Variants in RSRC2 observed in about 807,000 individuals in gnomAD.
RSRC2 encodes arginine and serine rich coiled-coil 2, also known as arginine/serine-rich coiled-coil protein 2.
In RSRC2, 5 loss-of-function variants were observed where a neutral mutation model predicts 61.3. The ratio of observed to expected loss-of-function variants is 0.08; its 90% CI spans 0.04 to 0.17. The LOEUF is 0.17. Ranked by LOEUF, RSRC2 falls within the 10% of genes least tolerant of loss-of-function variation. RSRC2 has a pLI of 1.00. For missense variants in RSRC2, 381 were observed against 518.8 expected, an observed-to-expected ratio of 0.73 and a Z score of 2.58; for synonymous variants, 202 against 166.5, an observed-to-expected ratio of 1.21 and a Z score of -1.64.
intron 3 of RSRC2, chr12:122,519,457 C>G (rs1959162930): frequency 6.2e-6 from 1 of 161,056 alleles, no homozygotes; most frequent in Non-Finnish European, 1.4e-5. Flanking sequence ...AATTAGGTAG[C>G]TAAATATAAT....
chr12:122,522,561 A>C, intron 1 of RSRC2: 10 of 234,594 alleles, frequency 4.3e-5, no homozygotes, highest in Non-Finnish European at 5.0e-5. Flanking sequence ...CTTTTAAAAC[A>C]TGGGGTGGGG....
In RSRC2 at chr12:122,526,904, A is replaced by G. The variant is rs764931238; in HGVS notation, c.-51T>C. The G allele has an allele frequency of 6.2e-6, 10 of 1,611,166 alleles. No individual in the cohort carries two copies. The South Asian group carries it at 9.9e-5, about 16-fold the overall frequency. Reference sequence around the variant, plus strand: ...GGCGCCTCCACTTGTCGCTTTCAACAGTACCGGCCGCTCCGAAGCTTCGCC... The same window carrying G: ...GGCGCCTCCACTTGTCGCTTTCAACGGTACCGGCCGCTCCGAAGCTTCGCC... On this transcript the variant is annotated 5_prime_UTR_variant, in exon 1 of 10. Coordinates refer to ENST00000331738, the MANE Select transcript of RSRC2 (RefSeq NM_023012.6).
intron 1 of RSRC2, among the ~76,000 whole-genome samples, chr12:122,526,595 G>C (rs1454630378): frequency 6.6e-6 from 1 of 152,126 alleles, no homozygotes; most frequent in Admixed American, 6.5e-5. Context: ...GAGGCGAAAG[G>C]AACGTAGGGT....
chr12:122,519,759 C>T (rs7134381), intron 3 of RSRC2: 92,428 of 152,142 alleles, frequency 0.61, 28,944 homozygotes, highest in African/African-American at 0.75. Flanking sequence ...ACTGCCCCCA[C>T]ACTTTAAAAA....
In RSRC2 at chr12:122,507,048, A is replaced by G; in HGVS notation, c.1036-125T>C. ...GATAGCATTCAATCAATGTAAGTTT[A>G]ATTATTTCAAGACTTAAGAAACCAC... is the stretch of plus-strand genomic sequence containing the variant. On this transcript the variant is annotated intron_variant, in intron 8 of 9. Transcript: ENST00000331738. The G allele has an allele frequency of 4.4e-6, 3 of 682,168 alleles. No homozygotes were observed. The East Asian group carries it at 8.2e-5, about 19-fold the overall frequency. The allele number at this position is 682,168 out of a possible 1,614,324, so 42.3% of individuals were successfully genotyped here.
rs1178336567 is a variant in RSRC2 at position 122,525,815 on chromosome 12, T to TCAAA, written c.6+1032_6+1033insTTTG. Among the ~76,000 whole-genome samples the TCAAA allele has an allele frequency of 7.6e-4, 5 of 6,548 alleles. No homozygotes were observed. The South Asian group carries it at 0.02, about 26-fold the overall frequency. 4.3% of individuals were successfully genotyped at this position (6,548 alleles called of 152,430 possible). On this transcript the variant is annotated intron_variant, in intron 1 of 9. Transcript: ENST00000331738. ...GTCAACGAAGAGTTTTTTTTTTTTT[T>TCAAA]TTTTTTTTTTTTTTTTTTTTTTTTG...
chr12:122,513,944 A>C (rs1396206385), intron 6 of RSRC2: 14 of 256,230 alleles, frequency 5.5e-5, no homozygotes, highest in Non-Finnish European at 7.3e-5. Flanking sequence ...AGGTGGGAGG[A>C]TTGCTTGGGC....
intron 1 of RSRC2, chr12:122,526,357 A>G (rs1326193612): frequency 6.3e-6 from 1 of 159,490 alleles, no homozygotes; most frequent in Non-Finnish European, 1.4e-5. Flanking sequence ...TTATGCAACT[A>G]GAAGCATCTC....
intron 1 of RSRC2, 88 bp from the exon 2 acceptor site, chr12:122,522,387 T>C (rs1414827784): frequency 1.6e-6 from 2 of 1,230,808 alleles, no homozygotes; most frequent in South Asian, 1.6e-5. Context: ...GGAGGGAAGA[T>C]AGCCCCCCAC....
rs752871340 is a variant in RSRC2, at chr12:122,521,390, T to C, written c.202A>G (p.Lys68Glu). The C allele has an allele frequency of 2.5e-6, 4 of 1,611,484 alleles. No individual in the cohort carries two copies. The change falls in exon 3 of 10, where the codon AAA becomes GAA. Residue 68 changes from lysine to glutamate, a missense_variant. Lys to Glu is a moderately conservative substitution (Grantham distance 56, BLOSUM62 1). Transcript: ENST00000331738. ...GRKHRSRSRS[K>E]EGRRHESKDK... Reference sequence around the variant, plus strand: ...CACTACAAAGTGTTAATTACCTCTTTGCTTCTGCTCCGGCTCCTGTGTTTT... The same window carrying C: ...CACTACAAAGTGTTAATTACCTCTTCGCTTCTGCTCCGGCTCCTGTGTTTT...
At chr12:122,526,476 GTCTT>G (rs1565914083) in intron 1 of RSRC2, among the ~76,000 whole-genome samples, 1 of 151,912 alleles carries the variant, frequency 6.6e-6, no homozygotes, top group Non-Finnish European at 1.5e-5. Flanking sequence ...ACTCCTGATC[GTCTT>G]TCTCTTCCCC....
At chr12:122,508,087 G>A (rs1351065771) in intron 8 of RSRC2, 131 bp downstream of exon 8, 2 of 798,048 alleles carry the variant, frequency 2.5e-6, no homozygotes, top group South Asian at 2.9e-5. Context: ...AAAGGCATAA[G>A]CCACCCGCGT....
chr12:122,519,395 TTAAG>T (rs982395770), intron 3 of RSRC2: 10 of 68,862 alleles, frequency 1.5e-4, no homozygotes, highest in South Asian at 4.0e-4. Context: ...AATGTTAAGT[TTAAG>T]TAAGTAATGG....
At chr12:122,524,304 C>A (rs747674682) in intron 1 of RSRC2, among the ~76,000 whole-genome samples, 4 of 151,916 alleles carry the variant, frequency 2.6e-5, no homozygotes, top group South Asian at 2.1e-4. Flanking sequence ...TTATTACTTG[C>A]TGAGTGTTTG....
At chr12:122,519,064 T>C (rs1440005392) in intron 3 of RSRC2, 35 bp from the exon 4 acceptor site, 4 of 1,582,114 alleles carry the variant, frequency 2.5e-6, no homozygotes, top group East Asian at 2.2e-5. Context: ...TTCAGGAAAA[T>C]AGTGCAACAA....
In RSRC2 at chr12:122,505,494, T is replaced by C; in HGVS notation, c.*33A>G. ...GGACGTGACATCAGAACAAGAAGTC[T>C]ATAAGTCCCAAACTTTACAAGTGTG... is the stretch of plus-strand genomic sequence containing the variant. On this transcript the variant is annotated 3_prime_UTR_variant, in exon 10 of 10. Coordinates refer to ENST00000331738, the MANE Select transcript of RSRC2 (RefSeq NM_023012.6). The C allele has an allele frequency of 6.3e-7, 1 of 1,599,922 alleles. No individual in the cohort carries two copies. The highest frequency in any genetic ancestry group is 1.7e-5 in the Admixed American group (1 of 59,280).
intron 5 of RSRC2, among the ~76,000 whole-genome samples, chr12:122,516,295 TTA>T (rs977466406): frequency 6.6e-6 from 1 of 152,172 alleles, no homozygotes; most frequent in East Asian, 1.9e-4. Flanking sequence ...ATATTTATAA[TTA>T]GTTTTCCTCC....
intron 6 of RSRC2, among the ~76,000 whole-genome samples, chr12:122,511,593 C>T (rs756404168): frequency 1.7e-4 from 26 of 152,164 alleles, no homozygotes; most frequent in African/African-American, 3.4e-4. Flanking sequence ...TCAAGACATT[C>T]GGATAATTTT....
At position 122,522,202 on chromosome 12, in the gene RSRC2, G is replaced by A. The variant is rs766744299; in HGVS notation, c.104C>T (p.Ala35Val). Reference sequence around the variant, plus strand: ...TGATCTTGAATAATGATGTTTTGAAGCTCTAGGAGAAACAGATACTTCTGA... The same window carrying A: ...TGATCTTGAATAATGATGTTTTGAAACTCTAGGAGAAACAGATACTTCTGA... ...EQSEVSVSPR[A>V]SKHHYSRSRS... The change falls in exon 2 of 10, where the codon GCT (alanine) becomes GTT (valine). Residue 35 changes from alanine to valine, a missense_variant. Transcript: ENST00000331738. 1 of 1,613,884 alleles carries A rather than the reference G, an allele frequency of 6.2e-7. No individual in the cohort carries two copies. The highest frequency in any genetic ancestry group is 2.2e-5 in the East Asian group (1 of 44,876).
Sources: gnomAD v4.1 joint callset for allele counts (sites outside exome capture counted in the v4.1 genomes callset) on GRCh38, gnomAD v4.1.1 for gene constraint, MANE v1.5 for transcripts, NCBI Gene and HGNC (gene_info 2026-07-23, HGNC 2026-07-21) for gene names.